The following DPP10 variants were observed in gnomAD, a reference collection of about 807,000 sequenced individuals.
The protein encoded by DPP10 is inactive dipeptidyl peptidase 10.
Under a neutral mutation model 120.9 loss-of-function variants are expected in DPP10, and 33 were observed. The ratio of observed to expected loss-of-function variants is 0.27; its 90% CI spans 0.21 to 0.37. DPP10 has a LOEUF of 0.37. DPP10 is among the 10% of genes least tolerant of loss of function. The pLI, the probability that DPP10 is intolerant of heterozygous loss-of-function variation, is 1.00. For missense variants in DPP10, 816 were observed against 942.8 expected (o/e 0.87, Z 1.76); for synonymous variants, 337 against 326.1 (o/e 1.03, Z -0.36).
intron 1 of DPP10, among the ~76,000 whole-genome samples, chr2:114,582,097 C>G (rs1265106211): frequency 6.6e-6 from 1 of 152,170 alleles, no homozygotes; most frequent in Admixed American, 6.5e-5. Flanking sequence ...CTTAAAAATC[C>G]TCTGCACTCT....
intron 1 of DPP10, among the ~76,000 whole-genome samples, chr2:114,941,062 C>A (rs1696860145): frequency 6.6e-6 from 1 of 152,122 alleles, no homozygotes; most frequent in Admixed American, 6.5e-5. Flanking sequence ...ATACTTTTTT[C>A]TTAGAACTTG....
rs139752284 is a variant in DPP10 at position 115,477,020 on chromosome 2, A to G, written c.272-22490A>G. Among the ~76,000 whole-genome samples, 96 of 152,334 alleles carry G rather than the reference A, an allele frequency of 6.3e-4. 3 individuals are homozygous for G. In the East Asian group the frequency reaches 0.018, roughly 29 times the overall value. ...AGGAATAAAAGAAAACTATTTCAAT[A>G]TATTCTAATCCACACATGAGAAACC... is the stretch of plus-strand genomic sequence containing the variant. On this transcript the variant is annotated intron_variant, in intron 3 of 25. Transcript: ENST00000410059.
chr2:115,671,955 T>C (rs1215385520), intron 5 of DPP10, among the ~76,000 whole-genome samples: 1 of 152,158 alleles, frequency 6.6e-6, no homozygotes, highest in Non-Finnish European at 1.5e-5. Flanking sequence ...AAACAATATA[T>C]TTTATTATGT....
intron 1 of DPP10, among the ~76,000 whole-genome samples, chr2:115,231,990 T>G (rs2057757118): frequency 6.6e-6 from 1 of 152,056 alleles, no homozygotes; most frequent in East Asian, 1.9e-4. Flanking sequence ...TGGTGTAGAC[T>G]CCTGCATGTG....
At chr2:115,159,239 A>G (rs552160817) in intron 1 of DPP10, among the ~76,000 whole-genome samples, 1 of 152,234 alleles carries the variant, frequency 6.6e-6, no homozygotes, top group South Asian at 2.1e-4. Flanking sequence ...TGGGCGGATA[A>G]CTAGGTCAGG....
chr2:114,778,292 T>C (rs1269050506), intron 1 of DPP10, among the ~76,000 whole-genome samples: 1 of 152,108 alleles, frequency 6.6e-6, no homozygotes, highest in Admixed American at 6.5e-5. Flanking sequence ...ATGCAAAACA[T>C]TTGGCTTATT....
At chr2:115,389,066 T>C (rs183334062) in intron 3 of DPP10, among the ~76,000 whole-genome samples, 5 of 152,328 alleles carry the variant, frequency 3.3e-5, no homozygotes, top group Admixed American at 2.6e-4. Flanking sequence ...ATGACTGATA[T>C]TGAACTATTC....
chr2:114,483,889 T>A (rs756000468), intron 1 of DPP10, among the ~76,000 whole-genome samples: 6 of 152,204 alleles, frequency 3.9e-5, no homozygotes, highest in Non-Finnish European at 8.8e-5. Context: ...TATCGTAGAA[T>A]CATCTGGAGC....
chr2:114,647,039 A>G (rs1014606370), intron 1 of DPP10, among the ~76,000 whole-genome samples: 1 of 152,242 alleles, frequency 6.6e-6, no homozygotes, highest in African/African-American at 2.4e-5. Context: ...ACTTTCTGCT[A>G]CACTGCCTTG....
intron 1 of DPP10, among the ~76,000 whole-genome samples, chr2:114,606,983 A>G (rs867744285): frequency 6.6e-6 from 1 of 152,222 alleles, no homozygotes; most frequent in African/African-American, 2.4e-5. Flanking sequence ...GAAAAGTACC[A>G]TAAAAGCTCT....
chr2:114,922,745 C>A (rs930829267), intron 1 of DPP10, among the ~76,000 whole-genome samples: 1 of 151,966 alleles, frequency 6.6e-6, no homozygotes, highest in Non-Finnish European at 1.5e-5. Flanking sequence ...AACTGATGAA[C>A]AATATTATAT....
At chr2:115,496,198 A>G (rs769756532) in intron 3 of DPP10, among the ~76,000 whole-genome samples, 33 of 152,108 alleles carry the variant, frequency 2.2e-4, no homozygotes, top group Non-Finnish European at 3.8e-4. Flanking sequence ...AAAAAACCCC[A>G]AGAAAATTAA....
chr2:115,453,765 G>C (rs139367300), intron 3 of DPP10, among the ~76,000 whole-genome samples: 89 of 151,336 alleles, frequency 5.9e-4, no homozygotes, highest in Middle Eastern at 3.4e-3. Context: ...AAAGCAAACA[G>C]AAGGAAGAAA....
At chr2:115,196,149 A>G (rs1266189211) in intron 1 of DPP10, among the ~76,000 whole-genome samples, 1 of 152,074 alleles carries the variant, frequency 6.6e-6, no homozygotes, top group Admixed American at 6.6e-5. Flanking sequence ...GCCCAGCAAT[A>G]TTTTTCCAGA....
At chr2:115,276,701 A>G (rs2059934269) in intron 1 of DPP10, among the ~76,000 whole-genome samples, 1 of 152,226 alleles carries the variant, frequency 6.6e-6, no homozygotes, top group African/African-American at 2.4e-5. Context: ...AATCATCTTT[A>G]TTGGTGGCAC....
At chr2:115,301,501 T>C (rs944404929) in intron 1 of DPP10, among the ~76,000 whole-genome samples, 1 of 150,422 alleles carries the variant, frequency 6.6e-6, no homozygotes, top group Non-Finnish European at 1.5e-5. Flanking sequence ...CTGCACTCAC[T>C]GTTCCAAGGT....
chr2:114,821,461 GA>G (rs1284473274), intron 1 of DPP10, among the ~76,000 whole-genome samples: 2 of 152,142 alleles, frequency 1.3e-5, no homozygotes, highest in Admixed American at 1.3e-4. Flanking sequence ...TGCTTTAAAA[GA>G]AACGAAAACT....
chr2:115,268,670 C>T (rs184630371), intron 1 of DPP10, among the ~76,000 whole-genome samples: 5 of 152,094 alleles, frequency 3.3e-5, no homozygotes, highest in Admixed American at 3.3e-4. Flanking sequence ...GTGGGTGTAT[C>T]GATTATGTAC....
At chr2:114,930,266 C>T (rs1482597407) in intron 1 of DPP10, among the ~76,000 whole-genome samples, 1 of 152,180 alleles carries the variant, frequency 6.6e-6, no homozygotes, top group Non-Finnish European at 1.5e-5. Context: ...CATAGCCAGG[C>T]TGAAAATTTT....
Sources: gnomAD v4.1 joint callset for allele counts (sites outside exome capture counted in the v4.1 genomes callset) on GRCh38, gnomAD v4.1.1 for gene constraint, MANE v1.5 for transcripts, NCBI Gene and HGNC (gene_info 2026-07-23, HGNC 2026-07-21) for gene names.